The following HSPG2 variants were observed in gnomAD, a reference collection of about 807,000 sequenced individuals.
HSPG2 encodes basement membrane-specific heparan sulfate proteoglycan core protein.
HSPG2 carries 278 observed loss-of-function variants against 526.6 expected under a neutral mutation model. The observed-to-expected ratio is 0.53, with a 90% CI of 0.48 to 0.58. HSPG2 has a LOEUF of 0.58. Among genes scored for constraint, HSPG2 ranks in the 20% least tolerant of loss-of-function variants. The pLI is 0.00. For synonymous variants in HSPG2, 2,465 were observed against 2,555.4 expected (o/e 0.96, Z 1.07); for missense variants, 5,354 against 6,099.5 (o/e 0.88, Z 4.07).
chr1:21,878,160 G>A (rs1293210332), intron 21 of HSPG2, 26 bp downstream of exon 21: 2 of 1,607,546 alleles, frequency 1.2e-6, no homozygotes, highest in Non-Finnish European at 1.7e-6. Context: ...CAAGGCCCCT[G>A]GGTGGGTGGC....
At chr1:21,823,993 T>A (rs1439684130) in intron 95 of HSPG2, 128 bp downstream of exon 95, 1 of 987,310 alleles carries the variant, frequency 1.0e-6, no homozygotes, top group Admixed American at 2.0e-5. Context: ...TGGTGGGTTC[T>A]CCCCTCCCCT....
chr1:21,917,569 G>A (rs1415902319), intron 1 of HSPG2, among the ~76,000 whole-genome samples: 1 of 152,164 alleles, frequency 6.6e-6, no homozygotes, highest in African/African-American at 2.4e-5. Flanking sequence ...AATCTTCAAT[G>A]GCAAAAAAGC....
rs1040017996 is a variant in HSPG2 at position 21,881,242 on chromosome 1, T to A, written c.1818+97A>T. ...GGCTGCATCGGGGCATGGTAACACC[T>A]TTCCCTCCAAGTCTGCCTTGTTGTC... On this transcript the variant is annotated intron_variant, in intron 14 of 96. Coordinates refer to ENST00000374695, the MANE Select transcript of HSPG2 (RefSeq NM_005529.7). 4 of 1,433,462 alleles carry A rather than the reference T, an allele frequency of 2.8e-6. No individual in the cohort carries two copies. The African/African-American group carries it at 5.6e-5, about 20-fold the overall frequency. The allele number at this position is 1,433,462 out of a possible 1,614,324, so 88.8% of individuals were successfully genotyped here.
chr1:21,838,301 T>C (rs1429996383), intron 74 of HSPG2, among the ~76,000 whole-genome samples: 1 of 152,168 alleles, frequency 6.6e-6, no homozygotes, highest in Non-Finnish European at 1.5e-5. Context: ...TGCTTTAAGT[T>C]TGGGGCCCAA....
At position 21,904,021 on chromosome 1, in the gene HSPG2, T is replaced by A. The variant is rs147672147; in HGVS notation, c.64-7711A>T. Among the ~76,000 whole-genome samples, 331 of 152,320 alleles carry A rather than the reference T, an allele frequency of 2.2e-3. 1 individual carries two copies. Among genetic ancestry groups the A allele is most frequent in the African/African-American group, 7.8e-3 (323 of 41,560 alleles). On this transcript the variant is annotated intron_variant, in intron 1 of 96. Coordinates refer to ENST00000374695, the MANE Select transcript of HSPG2 (RefSeq NM_005529.7). The surrounding 1 kb of genome is among the most constrained non-coding windows in gnomAD (Gnocchi z 4.4). ...TCTGTCCCATTTGGTTCAATTCAAG[T>A]CACTTCAACCTCGACTTACGGGGTA...
chr1:21,860,923 A>C (rs894824383), intron 39 of HSPG2, among the ~76,000 whole-genome samples: 1 of 152,238 alleles, frequency 6.6e-6, no homozygotes, highest in Non-Finnish European at 1.5e-5. Context: ...CATGAAAATG[A>C]GAGTGCAGGA....
At chr1:21,908,280 T>C (rs1643486401) in intron 1 of HSPG2, 3 of 1,058,730 alleles carry the variant, frequency 2.8e-6, no homozygotes. Flanking sequence ...ATGGCAAAAC[T>C]GGAAGAGTCT....
intron 18 of HSPG2, 68 bp downstream of exon 18, chr1:21,878,926 C>T: frequency 6.4e-7 from 1 of 1,565,186 alleles, no homozygotes; most frequent in Non-Finnish European, 8.7e-7. Context: ...GCCTCCCTGC[C>T]CAGAATATTC....
rs778279216 is a variant in HSPG2 at position 21,849,020 on chromosome 1, C to T, written c.7458G>A (p.Ser2486=). 24 of 1,613,784 alleles carry T rather than the reference C, an allele frequency of 1.5e-5. No individual in the cohort carries two copies. In the East Asian group the frequency reaches 1.8e-4, roughly 12 times the overall value. Reference sequence around the variant, plus strand: ...GGGTCACCTGGAGCAGGCGTAGCCTCGAGCCATGCACCTGGGAGGGTCAGG... The same window carrying T: ...GGGTCACCTGGAGCAGGCGTAGCCTTGAGCCATGCACCTGGGAGGGTCAGG... ...SLPARHQVHG[S]RLRLLQVTPA... is the part of the protein sequence containing the mutation. Residue 2486 remains serine (S), a synonymous_variant, in exon 58 of 97, where the codon TCG becomes TCA. Transcript: ENST00000374695.
At chr1:21,871,995 G>A (rs531819116) in intron 33 of HSPG2, among the ~76,000 whole-genome samples, 191 bp downstream of exon 33, 2 of 152,372 alleles carry the variant, frequency 1.3e-5, no homozygotes, top group Admixed American at 1.3e-4. Context: ...ATGAAGTTGA[G>A]GTTTATCAAA....
At chr1:21,870,930 G>C in intron 33 of HSPG2, 2 of 964,212 alleles carry the variant, frequency 2.1e-6, no homozygotes, top group Non-Finnish European at 2.5e-6. Flanking sequence ...AGAATTGCAG[G>C]ACAGGGCAGC....
intron 33 of HSPG2, among the ~76,000 whole-genome samples, chr1:21,868,719 G>A (rs1406089662): frequency 6.6e-6 from 1 of 152,102 alleles, no homozygotes; most frequent in East Asian, 1.9e-4. Flanking sequence ...GGGCAGAGCT[G>A]AGTTCAGTCT....
Position 21,895,746 on chromosome 1 carries a change from G to A in HSPG2, c.244+176C>T, listed in dbSNP as rs1468331648. On this transcript the variant is annotated intron_variant, in intron 3 of 96. Coordinates refer to ENST00000374695, the MANE Select transcript of HSPG2 (RefSeq NM_005529.7). This position sits in a 1 kb window ranked among gnomAD's most constrained non-coding sequence, Gnocchi z 4.1. Reference sequence around the variant, plus strand: ...CACAGGACCTGGCCACACCAGCCTTGCAGGGACCTGCCAATCAGTCTGCAC... The same window carrying A: ...CACAGGACCTGGCCACACCAGCCTTACAGGGACCTGCCAATCAGTCTGCAC... Among the ~76,000 whole-genome samples the A allele has an allele frequency of 6.6e-6, 1 of 152,204 alleles. No homozygotes were observed. The highest frequency in any genetic ancestry group is 1.5e-5 in the Non-Finnish European group (1 of 68,034).
chr1:21,831,334 G>C lies in HSPG2; in HGVS notation c.11453-10C>G, dbSNP rs778040932. 6.2e-7 allele frequency: 1 copy of C among 1,612,818 alleles called. No homozygotes were observed. Among genetic ancestry groups the C allele is most frequent in the Non-Finnish European group, 8.5e-7 (1 of 1,178,978 alleles). On this transcript the variant is annotated splice_polypyrimidine_tract_variant and intron_variant, in intron 83 of 96. Transcript: ENST00000374695. ...AGCTCCCGGACACAGCCTGGGAGGT[G>C]AGTGGGCAGGATGAGCACAGGGCAG...
intron 9 of HSPG2, among the ~76,000 whole-genome samples, 197 bp from the exon 10 acceptor site, chr1:21,885,648 C>T (rs1455494441): frequency 2.0e-5 from 3 of 152,172 alleles, no homozygotes; most frequent in Non-Finnish European, 4.4e-5. Context: ...TCACATTACC[C>T]GGCCCCCACC....
chr1:21,830,756 T>A, intron 85 of HSPG2: 1 of 429,372 alleles, frequency 2.3e-6, no homozygotes, highest in Non-Finnish European at 4.1e-6. Context: ...GGGGTAGTGG[T>A]AAGAATTTGG....
Position 21,875,928 on chromosome 1 carries a change from C to G in HSPG2, c.3118G>C (p.Glu1040Gln). 1 of 1,614,180 alleles carries G rather than the reference C, an allele frequency of 6.2e-7. No individual in the cohort carries two copies. Among genetic ancestry groups the G allele is most frequent in the Middle Eastern group, 1.6e-4 (1 of 6,062 alleles). Residue 1040 changes from glutamate (E) to glutamine (Q), a missense_variant, in exon 24 of 97, where the codon GAG (glutamate) becomes CAG (glutamine). Transcript: ENST00000374695. ...CTGGGCTCCTGGGCCACATGGTGCT[C>G]TAGGATGATGTTGTTACCTTGCAGC... ...VVLQGNNIILEHHVAQEPSPG... is the reference protein window; with the variant it reads ...VVLQGNNIILQHHVAQEPSPG...
chr1:21,937,247 T>C lies in HSPG2; in HGVS notation c.-30A>G. The C allele has an allele frequency of 1.2e-6, 1 of 850,632 alleles. No individual in the cohort carries two copies. Among genetic ancestry groups the C allele is most frequent in the Non-Finnish European group, 1.4e-6 (1 of 722,776 alleles). The allele number at this position is 850,632 out of a possible 1,614,324, so 52.7% of individuals were successfully genotyped here. A position where few individuals can be genotyped will look rare whatever the true frequency, so the allele number is the denominator to read the frequency against. On this transcript the variant is annotated 5_prime_UTR_variant, in exon 1 of 97. Transcript: ENST00000374695. ...CGGCCCGCGCCGCTCTCTCGCTCGC[T>C]CGCTCCGCGCCGCCCGCTCCGCGCC...
chr1:21,897,899 ACT>A (rs1218001908), intron 1 of HSPG2, among the ~76,000 whole-genome samples: 2 of 151,632 alleles, frequency 1.3e-5, no homozygotes, highest in South Asian at 2.1e-4. Flanking sequence ...CTAGAAAGAA[ACT>A]CTCTTTGTCC....
Sources: allele counts gnomAD v4.1 joint callset (sites outside exome capture counted in the v4.1 genomes callset), GRCh38; gene constraint gnomAD v4.1.1; non-coding constraint Gnocchi (gnomAD v3.1); transcripts MANE v1.5; gene names NCBI Gene and HGNC (gene_info 2026-07-23, HGNC 2026-07-21).